The following SPON1 variants were observed in gnomAD, a reference collection of about 807,000 sequenced individuals.
SPON1 encodes the protein spondin 1.
SPON1 carries 52 observed loss-of-function variants against 111.7 expected under a neutral mutation model. The ratio of observed to expected loss-of-function variants is 0.47; its 90% CI spans 0.37 to 0.59. SPON1 has a LOEUF of 0.59. SPON1 is among the 20% of genes least tolerant of loss of function. The pLI is 0.00. For missense variants in SPON1, 957 were observed against 1,068.5 expected (o/e 0.90, Z 1.46); for synonymous variants, 410 against 395.8 (o/e 1.04, Z -0.43).
Position 14,042,290 on chromosome 11 carries a change from G to A in SPON1, c.479+636G>A, listed in dbSNP as rs1337330185. Reference sequence around the variant, plus strand: ...TTTGGGAAATGGAAATAGATGGGCAGGAAAATGATTTCTGTGGTCAAATGT... The same window carrying A: ...TTTGGGAAATGGAAATAGATGGGCAAGAAAATGATTTCTGTGGTCAAATGT... On this transcript the variant is annotated intron_variant, in intron 3 of 15. Transcript: ENST00000576479. 2.6e-5 allele frequency among the ~76,000 whole-genome samples: 4 copies of A among 152,124 alleles called. No homozygotes were observed. In the East Asian group the frequency reaches 7.7e-4, roughly 29 times the overall value.
At chr11:14,028,280 G>C (rs1367451560) in intron 2 of SPON1, among the ~76,000 whole-genome samples, 1 of 151,940 alleles carries the variant, frequency 6.6e-6, no homozygotes, top group African/African-American at 2.4e-5. Flanking sequence ...CCAGGAGTTT[G>C]AGACCAACCT....
chr11:14,122,204 T>C (rs1847397731), intron 5 of SPON1, among the ~76,000 whole-genome samples: 1 of 152,206 alleles, frequency 6.6e-6, no homozygotes, highest in Admixed American at 6.5e-5. Context: ...AGATGGAGTC[T>C]TGCTCTGTCG....
chr11:14,244,072 C>T (rs1848960666), intron 7 of SPON1, among the ~76,000 whole-genome samples: 1 of 152,134 alleles, frequency 6.6e-6, no homozygotes, highest in African/African-American at 2.4e-5. Flanking sequence ...GTGGATTCTG[C>T]CTTCTGGGCA....
chr11:13,993,940 A>G (rs782171376), intron 2 of SPON1, among the ~76,000 whole-genome samples: 1 of 145,582 alleles, frequency 6.9e-6, no homozygotes, highest in Non-Finnish European at 1.6e-5. Flanking sequence ...CTGCCAATCA[A>G]AGGAAAAAAG....
intron 5 of SPON1, among the ~76,000 whole-genome samples, chr11:14,121,123 T>C (rs1164451164): frequency 6.6e-6 from 1 of 152,122 alleles, no homozygotes; most frequent in East Asian, 1.9e-4. Flanking sequence ...CTTAAAACTA[T>C]AGGGACAGAA....
intron 2 of SPON1, among the ~76,000 whole-genome samples, chr11:14,032,211 A>C (rs1333048192): frequency 6.6e-6 from 1 of 152,230 alleles, no homozygotes; most frequent in Non-Finnish European, 1.5e-5. Flanking sequence ...TTTTAGAATT[A>C]CATTTTTATA....
At position 14,013,325 on chromosome 11, in the gene SPON1, C is replaced by T. The variant is rs1481782052; in HGVS notation, c.346-28196C>T. Among the ~76,000 whole-genome samples, 3 of 152,282 alleles carry T rather than the reference C, an allele frequency of 2.0e-5. No individual in the cohort carries two copies. The East Asian group carries it at 5.8e-4, about 29-fold the overall frequency. ...ATGGGGAACATAGAGACTGTGAAAT[C>T]TAAACCTACTCTACTCCACTTCCAT... On this transcript the variant is annotated intron_variant, in intron 2 of 15. Coordinates refer to ENST00000576479, the MANE Select transcript of SPON1 (RefSeq NM_006108.4).
chr11:14,186,628 C>G (rs530973797), intron 6 of SPON1, among the ~76,000 whole-genome samples: 6 of 152,362 alleles, frequency 3.9e-5, no homozygotes, highest in Non-Finnish European at 8.8e-5. Flanking sequence ...CCAACACTCA[C>G]TCCTGCTTAT....
intron 6 of SPON1, among the ~76,000 whole-genome samples, chr11:14,186,770 C>T (rs1848289940): frequency 6.6e-6 from 1 of 152,148 alleles, no homozygotes; most frequent in Non-Finnish European, 1.5e-5. Context: ...TCCTCAATTC[C>T]CACTCAAGCC....
chr11:14,184,928 C>G (rs1210107341), intron 6 of SPON1, among the ~76,000 whole-genome samples: 2 of 152,168 alleles, frequency 1.3e-5, no homozygotes, highest in Non-Finnish European at 2.9e-5. Flanking sequence ...TTCCGTGGAA[C>G]CCATGGAAGA....
intron 2 of SPON1, among the ~76,000 whole-genome samples, chr11:13,997,926 C>T (rs192789772): frequency 1.3e-5 from 2 of 151,964 alleles, no homozygotes; most frequent in Admixed American, 6.6e-5. Context: ...GAATGGATAG[C>T]GGAAACCACA....
At position 14,048,512 on chromosome 11, in the gene SPON1, C is replaced by A. The variant is rs1278926414; in HGVS notation, c.479+6858C>A. 2.6e-5 allele frequency among the ~76,000 whole-genome samples: 4 copies of A among 152,158 alleles called. No individual in the cohort carries two copies. In the East Asian group the frequency reaches 7.7e-4, roughly 29 times the overall value. On this transcript the variant is annotated intron_variant, in intron 3 of 15. Coordinates refer to ENST00000576479, the MANE Select transcript of SPON1 (RefSeq NM_006108.4). Reference sequence around the variant, plus strand: ...GAAGGAAAATACATAGCAATTATGACTTTCCTTTTGGCACAAACCTGACAC... The same window carrying A: ...GAAGGAAAATACATAGCAATTATGAATTTCCTTTTGGCACAAACCTGACAC...
intron 6 of SPON1, among the ~76,000 whole-genome samples, chr11:14,137,655 C>T (rs1289594794): frequency 6.6e-6 from 1 of 152,174 alleles, no homozygotes; most frequent in African/African-American, 2.4e-5. Flanking sequence ...TAATCTGCTC[C>T]GTGTAAACCT....
chr11:14,246,106 G>A (rs1353162891), intron 7 of SPON1, among the ~76,000 whole-genome samples: 1 of 152,170 alleles, frequency 6.6e-6, no homozygotes, highest in Non-Finnish European at 1.5e-5. Flanking sequence ...GCAGGTAGGG[G>A]TGGGGAGAGT....
At chr11:14,095,594 T>C (rs1401423169) in intron 5 of SPON1, among the ~76,000 whole-genome samples, 1 of 152,004 alleles carries the variant, frequency 6.6e-6, no homozygotes, top group African/African-American at 2.4e-5. Context: ...AGGGAGCCAA[T>C]GGTGTAAATC....
intron 1 of SPON1, among the ~76,000 whole-genome samples, chr11:13,982,492 C>T (rs1421584205): frequency 1.3e-5 from 2 of 152,218 alleles, no homozygotes; most frequent in African/African-American, 2.4e-5. Flanking sequence ...CTAGTTTTCT[C>T]TTGGGCCAGT....
At chr11:14,083,515 A>C (rs2133834098) in intron 5 of SPON1, among the ~76,000 whole-genome samples, 1 of 152,360 alleles carries the variant, frequency 6.6e-6, no homozygotes, top group African/African-American at 2.4e-5. Flanking sequence ...CTCTTACATT[A>C]AAAGTCATTG....
chr11:13,974,078 T>C (rs1848084358), intron 1 of SPON1, among the ~76,000 whole-genome samples: 1 of 152,180 alleles, frequency 6.6e-6, no homozygotes, highest in African/African-American at 2.4e-5. Context: ...GCAAATCTTT[T>C]CTTGCCTGAC....
intron 6 of SPON1, among the ~76,000 whole-genome samples, chr11:14,160,537 A>T (rs1252845392): frequency 3.7e-5 from 1 of 26,984 alleles, no homozygotes; most frequent in Non-Finnish European, 5.5e-5. Flanking sequence ...ATATATATTT[A>T]TATATATATT....
Sources: allele counts gnomAD v4.1 joint callset (sites outside exome capture counted in the v4.1 genomes callset), GRCh38; gene constraint gnomAD v4.1.1; transcripts MANE v1.5; gene names NCBI Gene and HGNC (gene_info 2026-07-23, HGNC 2026-07-21).